SV2C: variants seen among roughly 807,000 people sequenced by gnomAD.
SV2C encodes synaptic vesicle glycoprotein 2C.
SV2C carries 49 observed loss-of-function variants against 79.7 expected under a neutral mutation model. That is an observed-to-expected ratio of 0.61 (90% CI 0.49 to 0.78). The LOEUF (loss-of-function observed/expected upper bound fraction) is 0.78. Among genes scored for constraint, SV2C ranks in the 30% least tolerant of loss-of-function variants. The pLI is 0.00. For missense variants in SV2C, 833 were observed against 912.9 expected (o/e 0.91, Z 1.13); for synonymous variants, 334 against 333.2 (o/e 1.00, Z -0.03).
chr5:76,254,180 ATGTG>A (rs1268914175), intron 4 of SV2C, among the ~76,000 whole-genome samples: 1 of 149,484 alleles, frequency 6.7e-6, no homozygotes, highest in East Asian at 2.0e-4. Flanking sequence ...GTGTATATAT[ATGTG>A]TGTGTGTATA....
chr5:76,210,892 G>C (rs1246269053), intron 4 of SV2C, among the ~76,000 whole-genome samples: 2 of 152,182 alleles, frequency 1.3e-5, no homozygotes, highest in Admixed American at 1.3e-4. Flanking sequence ...TATAATCACA[G>C]CATCATAGTG....
At chr5:76,233,671 G>C (rs1279408568) in intron 4 of SV2C, among the ~76,000 whole-genome samples, 3 of 151,482 alleles carry the variant, frequency 2.0e-5, no homozygotes, top group Non-Finnish European at 2.9e-5. Flanking sequence ...TTTTGTCAAA[G>C]GCCTCTTCTG....
intron 1 of SV2C, among the ~76,000 whole-genome samples, chr5:76,094,384 A>G (rs1361030817): frequency 6.6e-6 from 1 of 152,180 alleles, no homozygotes; most frequent in Non-Finnish European, 1.5e-5. Flanking sequence ...GGTTTTGCTT[A>G]TACTTGAAAT....
At chr5:76,283,128 C>A (rs1217750691) in intron 4 of SV2C, among the ~76,000 whole-genome samples, 1 of 152,138 alleles carries the variant, frequency 6.6e-6, no homozygotes, top group African/African-American at 2.4e-5. Context: ...TCCTGGCCAA[C>A]ATGGTGAAAC....
chr5:75,946,655 G>A, the SV2C span, among the ~76,000 whole-genome samples: 1 of 151,986 alleles, frequency 6.6e-6, no homozygotes, highest in Non-Finnish European at 1.5e-5. Context: ...ATTAACCTAA[G>A]CAAAACAAGG....
the SV2C span, among the ~76,000 whole-genome samples, chr5:75,937,437 A>G: frequency 1.8e-3 from 273 of 152,310 alleles, no homozygotes; most frequent in Admixed American, 5.3e-3. Context: ...ACAGTGGCTC[A>G]TGCTTGGAAT....
At chr5:76,012,544 A>G in the SV2C span, among the ~76,000 whole-genome samples, 1 of 152,040 alleles carries the variant, frequency 6.6e-6, no homozygotes, top group Non-Finnish European at 1.5e-5. Context: ...ATTTTCTCCC[A>G]TTCTGTAGGT....
chr5:75,893,690 C>CATCATATAATA, the SV2C span, among the ~76,000 whole-genome samples: 3 of 152,082 alleles, frequency 2.0e-5, no homozygotes, highest in Non-Finnish European at 1.5e-5. Flanking sequence ...CAAACCTCTG[C>CATCATATAATA]ATCATATAAT....
chr5:75,955,929 C>G, the SV2C span, among the ~76,000 whole-genome samples: 76 of 152,060 alleles, frequency 5.0e-4, 1 homozygote, highest in African/African-American at 1.7e-3. Context: ...GAAATAGGAA[C>G]ACTTTTACAC....
At chr5:76,049,017 AAGAAAG>A in the SV2C span, among the ~76,000 whole-genome samples, 5 of 106,934 alleles carry the variant, frequency 4.7e-5, no homozygotes, top group African/African-American at 9.6e-5. Context: ...GAAAGAAAGA[AAGAAAG>A]AAAAAGAAAA....
chr5:76,306,286 C>T (rs1006701912), intron 12 of SV2C, among the ~76,000 whole-genome samples: 3 of 152,044 alleles, frequency 2.0e-5, no homozygotes, highest in Non-Finnish European at 4.4e-5. Context: ...AAACTCCTGG[C>T]CTCAAGCAAT....
intron 12 of SV2C, among the ~76,000 whole-genome samples, chr5:76,313,615 G>A (rs1232096492): frequency 1.3e-5 from 2 of 152,164 alleles, no homozygotes; most frequent in African/African-American, 4.8e-5. Context: ...AAAGGGCCAT[G>A]TGCTTGATAT....
chr5:76,299,460 G>T (rs1747906810), intron 10 of SV2C, among the ~76,000 whole-genome samples: 1 of 152,198 alleles, frequency 6.6e-6, no homozygotes, highest in South Asian at 2.1e-4. Context: ...TTTCACAGTA[G>T]CTGAGGCTTA....
At chr5:76,150,198 CT>C (rs397998189) in intron 2 of SV2C, among the ~76,000 whole-genome samples, 16,477 of 122,206 alleles carry the variant, frequency 0.13, 893 homozygotes, top group Non-Finnish European at 0.17. Flanking sequence ...GATTTAATAT[CT>C]TTTTTTTTTT....
chr5:76,214,007 C>A lies in SV2C; in HGVS notation c.913+4120C>A, dbSNP rs537447152. 2.0e-5 allele frequency among the ~76,000 whole-genome samples: 3 copies of A among 152,220 alleles called. No individual in the cohort carries two copies. The East Asian group carries it at 5.8e-4, about 29-fold the overall frequency. On this transcript the variant is annotated intron_variant, in intron 4 of 12. Coordinates refer to ENST00000502798, the MANE Select transcript of SV2C (RefSeq NM_014979.4). ...TGGCCTATTTCACTTAACATAATGC[C>A]TTCCAGGTTCATTCATGTTGTTACA...
intron 2 of SV2C, among the ~76,000 whole-genome samples, chr5:76,143,794 T>A (rs1196380549): frequency 6.6e-6 from 1 of 152,210 alleles, no homozygotes; most frequent in Non-Finnish European, 1.5e-5. Context: ...GACAATGGTC[T>A]TGAATTTTTT....
the SV2C span, among the ~76,000 whole-genome samples, chr5:75,881,735 A>G: frequency 1.3e-5 from 2 of 151,912 alleles, no homozygotes; most frequent in South Asian, 2.1e-4. Flanking sequence ...CAATCATGTC[A>G]TCTGCAAACA....
At chr5:76,347,658 T>C (rs1580093073) in intron 12 of SV2C, among the ~76,000 whole-genome samples, 1 of 152,156 alleles carries the variant, frequency 6.6e-6, no homozygotes. Context: ...GCTAGTCTGG[T>C]CTCGAACTCC....
chr5:76,041,603 A>G, the SV2C span, among the ~76,000 whole-genome samples: 1 of 152,140 alleles, frequency 6.6e-6, no homozygotes, highest in African/African-American at 2.4e-5. Flanking sequence ...ATGGACACAC[A>G]TATCTCTTTG....
Sources: allele counts gnomAD v4.1 joint callset (sites outside exome capture counted in the v4.1 genomes callset), GRCh38; gene constraint gnomAD v4.1.1; transcripts MANE v1.5; gene names NCBI Gene and HGNC (gene_info 2026-07-23, HGNC 2026-07-21).